Variants in PAX1 observed in about 807,000 individuals in gnomAD.
PAX1 encodes the protein paired box protein Pax-1.
Under a neutral mutation model 35.6 loss-of-function variants are expected in PAX1, and 18 were observed. That is an observed-to-expected ratio of 0.50 (90% confidence interval 0.35 to 0.75). PAX1 has a LOEUF of 0.75. Among genes scored for constraint, PAX1 ranks in the 30% least tolerant of loss-of-function variants. PAX1 has a pLI of 0.01. For synonymous variants in PAX1, 397 were observed against 305.2 expected (o/e 1.30, Z -3.14); for missense variants, 760 against 661.5 (o/e 1.15, Z -1.63).
At position 21,714,849 on chromosome 20, in the gene PAX1, C is replaced by T. The variant is rs1387861588; in HGVS notation, c.*287C>T. 3.3e-6 allele frequency: 5 copies of T among 1,495,094 alleles called. No homozygotes were observed. The highest frequency in any genetic ancestry group is 4.6e-6 in the Non-Finnish European group (5 of 1,085,588). 92.6% of individuals were successfully genotyped at this position (1,495,094 alleles called of 1,614,324 possible). The stretch of plus-strand genomic sequence containing the variant: ...ATCCTTGCTCTGACGTGGCCTCCTT[C>T]GCTCTGCCAGCTTCAAATTTCTTTT... On this transcript the variant is annotated 3_prime_UTR_variant, in exon 5 of 5. Coordinates refer to ENST00000613128, the MANE Select transcript of PAX1 (RefSeq NM_001257096.2).
At chr20:21,708,027 C>T (rs1985072305) in intron 2 of PAX1, among the ~76,000 whole-genome samples, 1 of 152,162 alleles carries the variant, frequency 6.6e-6, no homozygotes, top group Non-Finnish European at 1.5e-5. Flanking sequence ...CTGGAGGTTT[C>T]CCTTGGTTCC....
At position 21,706,965 on chromosome 20, in the gene PAX1, G is replaced by A. The variant is rs1372584182; in HGVS notation, c.814G>A (p.Gly272Arg). ...GGGCGCCAAGATGGGCAGCCACCCC[G>A]GGGTCCCGGGCACGGCGGGCCACGT... The part of the protein sequence containing the change: ...PTGAKMGSHP[G>R]VPGTAGHVSI... The change falls in exon 2 of 5, where the codon GGG becomes AGG. Residue 272 changes from glycine to arginine, a missense_variant. By Grantham distance (125) the Gly-to-Arg change is moderately radical. Transcript: ENST00000613128. This position sits in a 1 kb window ranked among gnomAD's most constrained non-coding sequence, Gnocchi z 5.3. 4 of 1,612,420 alleles carry A rather than the reference G, an allele frequency of 2.5e-6. No individual in the cohort carries two copies. The highest frequency in any genetic ancestry group is 3.4e-6 in the Non-Finnish European group (4 of 1,179,642).
In PAX1 at chr20:21,713,576, T is replaced by A. The variant is rs1367962440; in HGVS notation, c.1283-895T>A. Among the ~76,000 whole-genome samples the A allele has an allele frequency of 2.6e-5, 4 of 151,650 alleles. No homozygotes were observed. In the South Asian group the frequency reaches 8.3e-4, roughly 32 times the overall value. ...AGGAGGACTTGGGGAAAAAAGAAAA[T>A]TGAAAATAGGCCCCTGTAGGTATAA... On this transcript the variant is annotated intron_variant, in intron 4 of 4. Coordinates refer to ENST00000613128, the MANE Select transcript of PAX1 (RefSeq NM_001257096.2).
chr20:21,707,122 C>A, intron 2 of PAX1, 55 bp downstream of exon 2: 3 of 1,603,964 alleles, frequency 1.9e-6, no homozygotes, highest in African/African-American at 1.3e-5. Flanking sequence ...CTGGGGCGGG[C>A]AGGCTTGCAG....
rs1302813262 is a variant in PAX1, at chr20:21,705,808, G to A, written c.96G>A (p.Ala32=). ...CAGGCCCTGGAGCGGGCGGCAGCGC[G>A]CTCCGCTGCCGCGCACAGCGCGTCT... ...AAAGPGAGGS[A]LRCRAQRVSS... is the part of the protein sequence containing the mutation. The change falls in exon 1 of 5, where the codon GCG becomes GCA. Residue 32 remains alanine, a synonymous_variant. Transcript: ENST00000613128. 7.8e-7 allele frequency: 1 copy of A among 1,279,924 alleles called. No individual in the cohort carries two copies. Among genetic ancestry groups the A allele is most frequent in the Non-Finnish European group, 9.8e-7 (1 of 1,015,982 alleles). 79.3% of individuals were successfully genotyped at this position (1,279,924 alleles called of 1,614,324 possible). A position where few individuals can be genotyped will look rare whatever the true frequency, so the allele number is the denominator to read the frequency against.
chr20:21,710,964 T>C (rs1985180672), intron 4 of PAX1, among the ~76,000 whole-genome samples: 1 of 152,188 alleles, frequency 6.6e-6, no homozygotes, highest in African/African-American at 2.4e-5. Flanking sequence ...ATGTTAAAAG[T>C]TGAGAGTAAG....
rs1345315402 is a variant in PAX1, at chr20:21,716,347, C to T, written c.*1785C>T. The T allele has an allele frequency of 6.6e-6, 1 of 152,004 alleles. No individual in the cohort carries two copies. Among genetic ancestry groups the T allele is most frequent in the Non-Finnish European group, 1.5e-5 (1 of 68,022 alleles). 9.4% of individuals were successfully genotyped at this position (152,004 alleles called of 1,614,324 possible). On this transcript the variant is annotated 3_prime_UTR_variant, in exon 5 of 5. Transcript: ENST00000613128. ...TTGAAGTTGCTGTTTGTGAGTGGAG[C>T]TGCCTGCTTGGTGTGTGCACTGGTC...
chr20:21,709,325 C>A lies in PAX1; in HGVS notation c.1163C>A (p.Ala388Asp). 1 of 1,599,176 alleles carries A rather than the reference C, an allele frequency of 6.3e-7. No individual in the cohort carries two copies. Among genetic ancestry groups the A allele is most frequent in the East Asian group, 2.2e-5 (1 of 44,720 alleles). ...AGCGCCCCGGGCGGCGGCTACCTCG[C>A]CCCGGGCCCGCCGTGGCCGCCTGCG... ...VYSAPGGGYL[A>D]PGPPWPPAQG... Residue 388 changes from alanine to aspartate, a missense_variant, in exon 4 of 5, where the codon GCC (alanine) becomes GAC (aspartate). Ala to Asp is a moderately radical substitution (Grantham distance 126, BLOSUM62 -2). Transcript: ENST00000613128.
rs1984978359 is a variant in PAX1, at chr20:21,706,024, T to A, written c.286+26T>A. 6.9e-7 allele frequency: 1 copy of A among 1,454,938 alleles called. No homozygotes were observed. 90.1% of individuals were successfully genotyped at this position (1,454,938 alleles called of 1,614,324 possible). On this transcript the variant is annotated intron_variant, in intron 1 of 4. Coordinates refer to ENST00000613128, the MANE Select transcript of PAX1 (RefSeq NM_001257096.2). The surrounding 1 kb of genome is among the most constrained non-coding windows in gnomAD (Gnocchi z 5.3). ...GTAAGGGGCGGGCGACAGGCAGGGC[T>A]CGGGAGGGCTGATGAGGTGGGTCGG...
At position 21,709,249 on chromosome 20, in the gene PAX1, G is replaced by T. The variant is rs1283315624; in HGVS notation, c.1087G>T (p.Gly363Cys). ...GGCCTCCACCCTCTCTGCCGTGGGC[G>T]GCTTTCTCCCCGCCTGCGCCTACCC... is the stretch of plus-strand genomic sequence containing the variant. ...QSASTLSAVG[G>C]FLPACAYPAS... The change falls in exon 4 of 5, where the codon GGC becomes TGC. Residue 363 changes from glycine (G) to cysteine (C), a missense_variant. Physicochemically the swap from Gly to Cys is radical, Grantham distance 159 (BLOSUM62 -3). Transcript: ENST00000613128. The T allele has an allele frequency of 2.5e-6, 4 of 1,606,608 alleles. No individual in the cohort carries two copies. In the South Asian group the frequency reaches 4.4e-5, roughly 18 times the overall value.
At chr20:21,709,959 C>G (rs949686312) in intron 4 of PAX1, among the ~76,000 whole-genome samples, 1 of 151,892 alleles carries the variant, frequency 6.6e-6, no homozygotes. Context: ...TTCCAGGTTC[C>G]TTAGAGAGAA....
In PAX1 at chr20:21,714,536, C is replaced by G. The variant is rs748035011; in HGVS notation, c.1348C>G (p.Leu450Val). 8.8e-6 allele frequency: 14 copies of G among 1,596,130 alleles called. No individual in the cohort carries two copies. The highest frequency in any genetic ancestry group is 1.1e-5 in the South Asian group (1 of 88,372). The part of the protein sequence containing the change: ...APDALSSLHG[L>V]PIPASTS ...GGACGCCCTCAGTAGCTTACACGGA[C>G]TGCCCATCCCGGCCTCGACCTCCTA... is the stretch of plus-strand genomic sequence containing the variant. The change falls in exon 5 of 5, where the codon CTG (leucine) becomes GTG (valine). Residue 450 changes from leucine to valine, a missense_variant. By Grantham distance (32) the Leu-to-Val change is conservative. Around this residue, in one of 3 missense-constraint regions of PAX1, gnomAD observed 490 missense variants for 428.4 expected, o/e 1.14. Coordinates refer to ENST00000613128, the MANE Select transcript of PAX1 (RefSeq NM_001257096.2).
At chr20:21,710,990 T>C (rs1985181686) in intron 4 of PAX1, among the ~76,000 whole-genome samples, 2 of 152,228 alleles carry the variant, frequency 1.3e-5, no homozygotes, top group African/African-American at 4.8e-5. Context: ...CTTTAAGCTT[T>C]ATGTTTAAGG....
At chr20:21,709,862 G>C (rs1038066518) in intron 4 of PAX1, among the ~76,000 whole-genome samples, 2 of 152,056 alleles carry the variant, frequency 1.3e-5, no homozygotes, top group African/African-American at 4.8e-5. Context: ...TGGCACCTAA[G>C]CCCTTTAGGT....
intron 2 of PAX1, among the ~76,000 whole-genome samples, chr20:21,707,460 C>A (rs1471392543): frequency 6.6e-6 from 1 of 152,166 alleles, no homozygotes; most frequent in Non-Finnish European, 1.5e-5. Flanking sequence ...CTGTCCCCCA[C>A]TCCCAGGCCC....
chr20:21,717,180 G>A lies in PAX1; in HGVS notation c.*2618G>A, dbSNP rs1157507958. The A allele has an allele frequency of 3.9e-5, 6 of 152,238 alleles. No homozygotes were observed. Among genetic ancestry groups the A allele is most frequent in the East Asian group, 1.9e-4 (1 of 5,190 alleles). The allele number at this position is 152,238 out of a possible 1,614,324, so 9.4% of individuals were successfully genotyped here. A position where few individuals can be genotyped will look rare whatever the true frequency, so the allele number is the denominator to read the frequency against. ...TCTTTGAGTTCCCTGGCTCTGGGGC[G>A]AGCATTCACTGAGGATAGGCAGCCT... On this transcript the variant is annotated 3_prime_UTR_variant, in exon 5 of 5. Coordinates refer to ENST00000613128, the MANE Select transcript of PAX1 (RefSeq NM_001257096.2).
rs926856965 is a variant in PAX1 at position 21,705,876 on chromosome 20, C to T, written c.164C>T (p.Ala55Val). The T allele has an allele frequency of 9.3e-6, 13 of 1,395,702 alleles. No homozygotes were observed. Among genetic ancestry groups the T allele is most frequent in the African/African-American group, 3.0e-5 (2 of 66,386 alleles). The allele number at this position is 1,395,702 out of a possible 1,614,324, so 86.5% of individuals were successfully genotyped here. A position where few individuals can be genotyped will look rare whatever the true frequency, so the allele number is the denominator to read the frequency against. Residue 55 changes from alanine (A) to valine (V), a missense_variant, in exon 1 of 5, where the codon GCC (alanine) becomes GTC (valine). By Grantham distance (64) the Ala-to-Val change is moderately conservative. Transcript: ENST00000613128. ...CGCCGCGGCTCTCGGCTCTCGGGCG[C>T]CCTCCCTCTATGCCTCTCACGCGGC... ...LGRRGSRLSG[A>V]LPLCLSRGGG...
rs199749658 is a variant in PAX1, at chr20:21,714,546, C to T, written c.1358C>T (p.Pro453Leu). The change falls in exon 5 of 5, where the codon CCG (proline) becomes CTG (leucine). Residue 453 changes from proline (P) to leucine (L), a missense_variant. Pro to Leu is a moderately conservative substitution (Grantham distance 98). This residue lies in a region of PAX1 where 490 missense variants were observed against 428.4 expected (regional missense o/e 1.14). Transcript: ENST00000613128. Reference protein sequence around the residue: ...ALSSLHGLPIPASTS With the variant: ...ALSSLHGLPILASTS ...AGTAGCTTACACGGACTGCCCATCC[C>T]GGCCTCGACCTCCTAGGGGCAGCTC... 8 of 1,592,980 alleles carry T rather than the reference C, an allele frequency of 5.0e-6. No individual in the cohort carries two copies. Among genetic ancestry groups the T allele is most frequent in the East Asian group, 4.6e-5 (2 of 43,652 alleles).
intron 2 of PAX1, chr20:21,708,258 G>A: frequency 1.8e-6 from 1 of 546,048 alleles, no homozygotes; most frequent in Non-Finnish European, 3.3e-6. Flanking sequence ...AGCCGTGTCT[G>A]GACAATGGAG....
Sources: allele counts gnomAD v4.1 joint callset (sites outside exome capture counted in the v4.1 genomes callset), GRCh38; gene constraint gnomAD v4.1.1; regional missense constraint gnomAD v4.1.1; non-coding constraint Gnocchi (gnomAD v3.1); transcripts MANE v1.5; gene names NCBI Gene and HGNC (gene_info 2026-07-23, HGNC 2026-07-21).